Variants in ELAPOR2 observed in about 807,000 individuals in gnomAD.
ELAPOR2 encodes endosome-lysosome associated apoptosis and autophagy regulator family member 2.
A neutral mutation model predicts 120.7 loss-of-function variants in ELAPOR2; 89 were observed. The observed-to-expected ratio is 0.74, with a 90% CI of 0.62 to 0.88. ELAPOR2 has a LOEUF of 0.88. ELAPOR2 is among the 40% of genes least tolerant of loss of function. The probability of loss-of-function intolerance (pLI) is 0.00; values close to 1 mark genes in which losing one functional copy is unlikely to be tolerated. For missense variants in ELAPOR2, 1,134 were observed against 1,251.6 expected, an observed-to-expected ratio of 0.91 and a Z score of 1.42; for synonymous variants, 444 against 444.9, an observed-to-expected ratio of 1.00 and a Z score of 0.03.
Position 86,897,558 on chromosome 7 carries a change from C to G in ELAPOR2, c.2633G>C (p.Cys878Ser), listed in dbSNP as rs775157058. ...AATCTCATGGAAGTCATGCTCCGTACACAGAGGGCAAGCTTCAGCACTCTC... is the reference window on the plus strand; with the variant it reads ...AATCTCATGGAAGTCATGCTCCGTAGACAGAGGGCAAGCTTCAGCACTCTC... Reference protein sequence around the residue: ...LWESAEACPLCTEHDFHEIEG... With the variant: ...LWESAEACPLSTEHDFHEIEG... The change falls in exon 19 of 22, where the codon TGT becomes TCT. Residue 878 changes from cysteine to serine, a missense_variant. Cys to Ser is a moderately radical substitution (Grantham distance 112). Around this residue, in one of 3 missense-constraint regions of ELAPOR2, gnomAD observed 831 missense variants for 867.6 expected, o/e 0.96. Coordinates refer to ENST00000450689, the MANE Select transcript of ELAPOR2 (RefSeq NM_001142749.3). 2 of 1,613,350 alleles carry G rather than the reference C, an allele frequency of 1.2e-6. No homozygotes were observed. Among genetic ancestry groups the G allele is most frequent in the Non-Finnish European group, 8.5e-7 (1 of 1,179,508 alleles).
chr7:86,935,856 GA>G (rs1790540356), intron 8 of ELAPOR2, among the ~76,000 whole-genome samples: 1 of 151,944 alleles, frequency 6.6e-6, no homozygotes, highest in African/African-American at 2.4e-5. Flanking sequence ...ATGTTTATAA[GA>G]ATCTCTTAAT....
At chr7:86,984,446 C>T (rs2116568888) in intron 1 of ELAPOR2, among the ~76,000 whole-genome samples, 1 of 152,302 alleles carries the variant, frequency 6.6e-6, no homozygotes, top group African/African-American at 2.4e-5. Flanking sequence ...TAAAGCACTC[C>T]TTGGCAAATG....
At chr7:87,018,805 C>T (rs937583913) in intron 1 of ELAPOR2, among the ~76,000 whole-genome samples, 3 of 152,178 alleles carry the variant, frequency 2.0e-5, no homozygotes, top group Admixed American at 2.0e-4. Flanking sequence ...AATTCAGATC[C>T]TAAACTTAGT....
intron 19 of ELAPOR2, among the ~76,000 whole-genome samples, chr7:86,895,034 G>A (rs1405050761): frequency 6.6e-6 from 1 of 152,014 alleles, no homozygotes; most frequent in Non-Finnish European, 1.5e-5. Flanking sequence ...TAAAGAATTA[G>A]AAAAGTGCAC....
Position 86,897,595 on chromosome 7 carries a change from A to T in ELAPOR2, c.2596T>A (p.Tyr866Asn), listed in dbSNP as rs1293601043. 1 of 1,613,262 alleles carries T rather than the reference A, an allele frequency of 6.2e-7. No individual in the cohort carries two copies. The highest frequency in any genetic ancestry group is 1.3e-5 in the African/African-American group (1 of 74,862). The part of the protein sequence containing the change: ...PAGTCDGCTF[Y>N]FLWESAEACP... ...GCTTCAGCACTCTCCCACAGGAAAT[A>T]GAACGTACACCCATCACAGGTACCT... is the stretch of plus-strand genomic sequence containing the variant. Residue 866 changes from tyrosine to asparagine, a missense_variant, in exon 19 of 22, where the codon TAT (tyrosine) becomes AAT (asparagine). Physicochemically the swap from Tyr to Asn is moderately radical, Grantham distance 143. Around this residue, in one of 3 missense-constraint regions of ELAPOR2, gnomAD observed 831 missense variants for 867.6 expected, o/e 0.96. Coordinates refer to ENST00000450689, the MANE Select transcript of ELAPOR2 (RefSeq NM_001142749.3).
At chr7:86,973,167 AT>A (rs1365526575) in intron 1 of ELAPOR2, among the ~76,000 whole-genome samples, 4 of 152,130 alleles carry the variant, frequency 2.6e-5, no homozygotes, top group Non-Finnish European at 5.9e-5. Flanking sequence ...AGATCTCATT[AT>A]GTCATCCTTG....
At chr7:86,941,583 A>G (rs150287416) in intron 5 of ELAPOR2, among the ~76,000 whole-genome samples, 5 of 152,072 alleles carry the variant, frequency 3.3e-5, no homozygotes, top group Non-Finnish European at 7.4e-5. Flanking sequence ...CAGCGCAGAG[A>G]AAGATAAAAG....
intron 8 of ELAPOR2, among the ~76,000 whole-genome samples, chr7:86,935,928 A>C (rs1790543167): frequency 6.6e-6 from 1 of 152,082 alleles, no homozygotes; most frequent in South Asian, 2.1e-4. Context: ...CCCCACAGGC[A>C]GAAAGAAATC....
chr7:86,899,703 T>C (rs561903429), intron 18 of ELAPOR2, among the ~76,000 whole-genome samples: 22 of 152,282 alleles, frequency 1.4e-4, no homozygotes, highest in African/African-American at 5.1e-4. Flanking sequence ...GTCTGTAGAC[T>C]AAGCAGAGGT....
chr7:87,009,027 C>A (rs1028666867), intron 1 of ELAPOR2, among the ~76,000 whole-genome samples: 1 of 152,072 alleles, frequency 6.6e-6, no homozygotes, highest in Non-Finnish European at 1.5e-5. Flanking sequence ...AGAGAACATA[C>A]CTGAATTCAC....
At chr7:86,972,636 G>T (rs1379557816) in intron 1 of ELAPOR2, among the ~76,000 whole-genome samples, 1 of 149,044 alleles carries the variant, frequency 6.7e-6, no homozygotes, top group Non-Finnish European at 1.5e-5. Flanking sequence ...TATGTAAACA[G>T]CTAAGTAATG....
intron 21 of ELAPOR2, among the ~76,000 whole-genome samples, chr7:86,881,378 CAG>C (rs1009409450): frequency 3.5e-5 from 5 of 141,794 alleles, no homozygotes; most frequent in Non-Finnish European, 6.1e-5. Context: ...TTTTTTGAGT[CAG>C]AGTTTCGCTC....
chr7:86,976,031 G>A (rs1030548670), intron 1 of ELAPOR2, among the ~76,000 whole-genome samples: 2 of 152,190 alleles, frequency 1.3e-5, no homozygotes, highest in African/African-American at 4.8e-5. Context: ...GAAAGTGAGA[G>A]GGATATCCAT....
chr7:86,982,025 C>T (rs1234258043), intron 1 of ELAPOR2, among the ~76,000 whole-genome samples: 2 of 152,252 alleles, frequency 1.3e-5, no homozygotes, highest in African/African-American at 4.8e-5. Context: ...TCTGGCTCGG[C>T]AGGTCCCATG....
At chr7:87,052,509 C>T (rs931967669) in intron 1 of ELAPOR2, among the ~76,000 whole-genome samples, 2 of 152,142 alleles carry the variant, frequency 1.3e-5, no homozygotes, top group African/African-American at 2.4e-5. Context: ...TTTCTTTATA[C>T]TGAGCGCAAT....
intron 1 of ELAPOR2, among the ~76,000 whole-genome samples, chr7:87,051,396 T>C (rs968391395): frequency 1.3e-5 from 2 of 152,220 alleles, no homozygotes; most frequent in Non-Finnish European, 2.9e-5. Context: ...TTTTTGTAAG[T>C]AAACAAATTT....
At chr7:86,974,687 G>C (rs1287039383) in intron 1 of ELAPOR2, among the ~76,000 whole-genome samples, 1 of 150,944 alleles carries the variant, frequency 6.6e-6, no homozygotes, top group Non-Finnish European at 1.5e-5. Context: ...TAAGTGATGT[G>C]ACTATCTTTA....
At position 86,885,333 on chromosome 7, in the gene ELAPOR2, C is replaced by T. The variant is rs547276619; in HGVS notation, c.3031-4803G>A. 9.7e-4 allele frequency among the ~76,000 whole-genome samples: 147 copies of T among 152,250 alleles called. 1 individual carries two copies. The highest frequency in any genetic ancestry group is 3.4e-3 in the African/African-American group (140 of 41,560). ...TCCCCAAAGCTCAAATAAATGATGT[C>T]AGTAAACAGAACCTTGCTGTTCAAC... On this transcript the variant is annotated intron_variant, in intron 21 of 21. Transcript: ENST00000450689.
At position 86,880,602 on chromosome 7, in the gene ELAPOR2, G is replaced by A. The variant is rs1799356021; in HGVS notation, c.3031-72C>T. The A allele has an allele frequency of 6.3e-6, 6 of 946,528 alleles. No individual in the cohort carries two copies. The South Asian group carries it at 8.2e-5, about 13-fold the overall frequency. The allele number at this position is 946,528 out of a possible 1,614,324, so 58.6% of individuals were successfully genotyped here. On this transcript the variant is annotated intron_variant, in intron 21 of 21. Coordinates refer to ENST00000450689, the MANE Select transcript of ELAPOR2 (RefSeq NM_001142749.3). Reference sequence around the variant, plus strand: ...AAGATTTTAGGATCTTACATGTCCAGAAGGAAAGTTCCAGAAATCATTTTA... The same window carrying A: ...AAGATTTTAGGATCTTACATGTCCAAAAGGAAAGTTCCAGAAATCATTTTA...
Sources: allele counts gnomAD v4.1 joint callset (sites outside exome capture counted in the v4.1 genomes callset), GRCh38; gene constraint gnomAD v4.1.1; regional missense constraint gnomAD v4.1.1; transcripts MANE v1.5; gene names NCBI Gene and HGNC (gene_info 2026-07-23, HGNC 2026-07-21).